Variants in WDR87 observed in about 807,000 individuals in gnomAD.
WDR87 encodes WD repeat-containing protein 87.
A neutral mutation model predicts 83.3 loss-of-function variants in WDR87; 56 were observed. That is an observed-to-expected ratio of 0.67 (90% CI 0.54 to 0.84). The LOEUF is 0.84. WDR87 is among the 40% of genes least tolerant of loss of function. The pLI, the probability that WDR87 is intolerant of heterozygous loss-of-function variation, is 0.00. For missense variants in WDR87, 2,939 were observed against 3,431.9 expected, an observed-to-expected ratio of 0.86 and a Z score of 3.59; for synonymous variants, 1,173 against 1,250.6, an observed-to-expected ratio of 0.94 and a Z score of 1.31.
In WDR87 at chr19:37,885,034, G is replaced by A; in HGVS notation, c.8637C>T (p.Gly2879=). Residue 2879 remains glycine (G), a synonymous_variant, in exon 6 of 6, where the codon GGC becomes GGT. Coordinates refer to ENST00000447313, the MANE Select transcript of WDR87 (RefSeq NM_001291088.2). The part of the protein sequence containing the change: ...QNCVRTILPV[G]IARYGILELA... Reference sequence around the variant, plus strand: ...GTTCTAAGATCCCATACCGGGCAATGCCCACGGGAAGGATGGTGCGCACAC... The same window carrying A: ...GTTCTAAGATCCCATACCGGGCAATACCCACGGGAAGGATGGTGCGCACAC... The A allele has an allele frequency of 2.1e-6, 3 of 1,448,438 alleles. No individual in the cohort carries two copies. The South Asian group carries it at 4.8e-5, about 23-fold the overall frequency. The allele number at this position is 1,448,438 out of a possible 1,614,324, so 89.7% of individuals were successfully genotyped here. A position where few individuals can be genotyped will look rare whatever the true frequency, so the allele number is the denominator to read the frequency against.
chr19:37,900,962 C>CA (rs878938966), intron 1 of WDR87, among the ~76,000 whole-genome samples: 3,526 of 29,438 alleles, frequency 0.12, 261 homozygotes, highest in Non-Finnish European at 0.17. Context: ...CCTGTCTCTA[C>CA]AAAAAAAAAA....
intron 1 of WDR87, among the ~76,000 whole-genome samples, chr19:37,901,673 G>A (rs771202079): frequency 2.6e-5 from 4 of 152,110 alleles, no homozygotes; most frequent in Non-Finnish European, 4.4e-5. Context: ...TGAGTGAGAA[G>A]GAGGACTTTC....
In WDR87 at chr19:37,886,510, T is replaced by C. The variant is rs1266130519; in HGVS notation, c.7161A>G (p.Lys2387=). The C allele has an allele frequency of 1.0e-5, 15 of 1,504,398 alleles. No individual in the cohort carries two copies. Among genetic ancestry groups the C allele is most frequent in the African/African-American group, 2.8e-5 (2 of 70,382 alleles). 93.2% of individuals were successfully genotyped at this position (1,504,398 alleles called of 1,614,324 possible). The change falls in exon 6 of 6, where the codon AAA becomes AAG. Residue 2387 remains lysine, a synonymous_variant. Coordinates refer to ENST00000447313, the MANE Select transcript of WDR87 (RefSeq NM_001291088.2). ...TTCTTTGTTCTTGTAACTTAAATTG[T>C]TTTTCTTTTTTTAAGATCTCTTTTT... ...DREKEILKKE[K]QFKLQEQRRK...
Position 37,885,948 on chromosome 19 carries a change from C to T in WDR87, c.7723G>A (p.Glu2575Lys). 6.4e-7 allele frequency: 1 copy of T among 1,552,200 alleles called. No homozygotes were observed. The highest frequency in any genetic ancestry group is 8.7e-7 in the Non-Finnish European group (1 of 1,147,114). The change falls in exon 6 of 6, where the codon GAA becomes AAA. Residue 2575 changes from glutamate (E) to lysine (K), a missense_variant. Physicochemically the swap from Glu to Lys is moderately conservative, Grantham distance 56. Coordinates refer to ENST00000447313, the MANE Select transcript of WDR87 (RefSeq NM_001291088.2). ...TCCCTGGAAAGCTGTTCTCCCGCTT[C>T]CATTCGTTCTAGGACATGGCGGATC... ...EWIRHVLERMEAGEQLSRDGF... is the reference protein window; with the variant it reads ...EWIRHVLERMKAGEQLSRDGF...
At position 37,886,879 on chromosome 19, in the gene WDR87, A is replaced by T; in HGVS notation, c.6792T>A (p.His2264Gln). 6.4e-7 allele frequency: 1 copy of T among 1,551,404 alleles called. No individual in the cohort carries two copies. The highest frequency in any genetic ancestry group is 8.7e-7 in the Non-Finnish European group (1 of 1,146,990). The change falls in exon 6 of 6, where the codon CAT (histidine) becomes CAA (glutamine). Residue 2264 changes from histidine to glutamine, a missense_variant. Around this residue, in one of 3 missense-constraint regions of WDR87, gnomAD observed 2,160 missense variants for 2,533.1 expected, o/e 0.85. Coordinates refer to ENST00000447313, the MANE Select transcript of WDR87 (RefSeq NM_001291088.2). ...ACAGGCTTTCCATTTCTTCAGAAAA[A>T]TGCTCTTCACTTTCCACTTCATCCA... Reference protein sequence around the residue: ...SQVDEVESEEHFSEEMESLLD... With the variant: ...SQVDEVESEEQFSEEMESLLD...
chr19:37,885,665 C>T lies in WDR87; in HGVS notation c.8006G>A (p.Arg2669Lys). ...ATTTTTAGCCCTTGGGTCTGGAATCCTCTTGGTAGCTAATGGGGACTTTTG... is the reference window on the plus strand; with the variant it reads ...ATTTTTAGCCCTTGGGTCTGGAATCTTCTTGGTAGCTAATGGGGACTTTTG... ...PTQKSPLATK[R>K]IPDPRAKNWH... Residue 2669 changes from arginine to lysine, a missense_variant, in exon 6 of 6, where the codon AGG becomes AAG. Around this residue, in one of 3 missense-constraint regions of WDR87, gnomAD observed 2,160 missense variants for 2,533.1 expected, o/e 0.85. Transcript: ENST00000447313. 6.4e-7 allele frequency: 1 copy of T among 1,551,784 alleles called. No individual in the cohort carries two copies.
In WDR87 at chr19:37,890,254, G is replaced by T. The variant is rs757309632; in HGVS notation, c.3417C>A (p.Leu1139=). 3 of 1,534,114 alleles carry T rather than the reference G, an allele frequency of 2.0e-6. No individual in the cohort carries two copies. In the South Asian group the frequency reaches 3.7e-5, roughly 19 times the overall value. The change falls in exon 6 of 6, where the codon CTC becomes CTA. Residue 1139 remains leucine (L), a synonymous_variant. Transcript: ENST00000447313. ...TAGAGTCTCTCTCTTTCGTCTTCTT[G>T]AGACCCCGCAACCATTTTTGGCCTG... The part of the protein sequence containing the change: ...KKHSQKWLRG[L]KKTKERDSKQ...
Position 37,893,642 on chromosome 19 carries a change from G to C in WDR87, c.2061C>G (p.Ser687=). Residue 687 remains serine, a synonymous_variant, in exon 4 of 6, where the codon TCC becomes TCG. Coordinates refer to ENST00000447313, the MANE Select transcript of WDR87 (RefSeq NM_001291088.2). ...LLPPALLTRL[S]FMSISDEVLE... Reference sequence around the variant, plus strand: ...GTACTTCATCTGATATGCTCATAAAGGAAAGGCGAGTCAGCAGGGCTGGGG... The same window carrying C: ...GTACTTCATCTGATATGCTCATAAACGAAAGGCGAGTCAGCAGGGCTGGGG... 1 of 1,551,688 alleles carries C rather than the reference G, an allele frequency of 6.4e-7. No homozygotes were observed. Among genetic ancestry groups the C allele is most frequent in the Non-Finnish European group, 8.7e-7 (1 of 1,146,636 alleles).
Position 37,885,944 on chromosome 19 carries a change from G to A in WDR87, c.7727C>T (p.Ala2576Val), listed in dbSNP as rs140620408. ...ACCATCCCTGGAAAGCTGTTCTCCCGCTTCCATTCGTTCTAGGACATGGCG... is the reference window on the plus strand; with the variant it reads ...ACCATCCCTGGAAAGCTGTTCTCCCACTTCCATTCGTTCTAGGACATGGCG... ...WIRHVLERME[A>V]GEQLSRDGFH... The change falls in exon 6 of 6, where the codon GCG becomes GTG. Residue 2576 changes from alanine to valine, a missense_variant. Around this residue, in one of 3 missense-constraint regions of WDR87, gnomAD observed 2,160 missense variants for 2,533.1 expected, o/e 0.85. Transcript: ENST00000447313. The A allele has an allele frequency of 4.7e-5, 73 of 1,552,166 alleles. No individual in the cohort carries two copies. The East Asian group carries it at 9.3e-4, about 20-fold the overall frequency.
chr19:37,893,177 T>C lies in WDR87; in HGVS notation c.2526A>G (p.Leu842=). ...GCTGGGGTGCATGCAGGTTGCACTG[T>C]AGGTATATTGGGGTGCCCTCTGGCC... ...RLWPEGTPIY[L]QCNLHAPQRE... is the part of the protein sequence containing the mutation. The change falls in exon 4 of 6, where the codon CTA becomes CTG. Residue 842 remains leucine, a synonymous_variant. Transcript: ENST00000447313. 6.4e-7 allele frequency: 1 copy of C among 1,551,930 alleles called. No homozygotes were observed. The highest frequency in any genetic ancestry group is 1.2e-5 in the South Asian group (1 of 84,060).
chr19:37,896,282 G>A lies in WDR87; in HGVS notation c.102C>T (p.Cys34=), dbSNP rs760947459. 3.2e-6 allele frequency: 5 copies of A among 1,551,734 alleles called. 1 individual carries two copies. The highest frequency in any genetic ancestry group is 2.4e-5 in the South Asian group (2 of 84,042). The change falls in exon 3 of 6, where the codon TGC becomes TGT. Residue 34 remains cysteine (C), a synonymous_variant. Coordinates refer to ENST00000447313, the MANE Select transcript of WDR87 (RefSeq NM_001291088.2). The stretch of plus-strand genomic sequence containing the variant: ...GGGACCGGTCACTCAGCACAATCAG[G>A]CAGTTCTTTGGGTCTTCCGAAGGTT... ...SKQPSEDPKN[C]LIVLSDRSQV... is the part of the protein sequence containing the mutation.
Position 37,894,656 on chromosome 19 carries a change from G to T in WDR87, c.1047C>A (p.His349Gln), listed in dbSNP as rs1360298052. 2 of 1,551,738 alleles carry T rather than the reference G, an allele frequency of 1.3e-6. No individual in the cohort carries two copies. Among genetic ancestry groups the T allele is most frequent in the East Asian group, 4.9e-5 (2 of 40,924 alleles). The change falls in exon 4 of 6, where the codon CAC (histidine) becomes CAA (glutamine). Residue 349 changes from histidine to glutamine, a missense_variant. Coordinates refer to ENST00000447313, the MANE Select transcript of WDR87 (RefSeq NM_001291088.2). Reference protein sequence around the residue: ...FCQTAHSFSLHRLPCFYSLFN... With the variant: ...FCQTAHSFSLQRLPCFYSLFN... ...AGAGGCTGTAGAAGCAGGGCAGGCG[G>T]TGCAAGGAAAAACTATGGGCAGTTT... is the stretch of plus-strand genomic sequence containing the variant.
chr19:37,905,990 T>G (rs2046325166), intron 1 of WDR87, among the ~76,000 whole-genome samples: 1 of 152,190 alleles, frequency 6.6e-6, no homozygotes, highest in Admixed American at 6.5e-5. Context: ...TAATCCATTT[T>G]TGTTGAATGA....
At position 37,887,886 on chromosome 19, in the gene WDR87, G is replaced by C. The variant is rs2046164732; in HGVS notation, c.5785C>G (p.Gln1929Glu). ...TCCTGTGTCAGCTTCTCCTCTACCTGAGCCAGTATCTTGTTGAACATTCCC... is the reference window on the plus strand; with the variant it reads ...TCCTGTGTCAGCTTCTCCTCTACCTCAGCCAGTATCTTGTTGAACATTCCC... The part of the protein sequence containing the change: ...KLGMFNKILA[Q>E]VEEKLTQEKE... The change falls in exon 6 of 6, where the codon CAG becomes GAG. Residue 1929 changes from glutamine to glutamate, a missense_variant. Gln to Glu is a conservative substitution (Grantham distance 29). Coordinates refer to ENST00000447313, the MANE Select transcript of WDR87 (RefSeq NM_001291088.2). The C allele has an allele frequency of 4.5e-6, 7 of 1,551,346 alleles. No homozygotes were observed. The South Asian group carries it at 8.3e-5, about 18-fold the overall frequency.
Position 37,887,048 on chromosome 19 carries a change from C to T in WDR87, c.6623G>A (p.Arg2208Lys). 7 of 1,551,794 alleles carry T rather than the reference C, an allele frequency of 4.5e-6. No individual in the cohort carries two copies. Among genetic ancestry groups the T allele is most frequent in the Non-Finnish European group, 6.1e-6 (7 of 1,147,064 alleles). Residue 2208 changes from arginine to lysine, a missense_variant, in exon 6 of 6, where the codon AGA becomes AAA. Physicochemically the swap from Arg to Lys is conservative, Grantham distance 26. Coordinates refer to ENST00000447313, the MANE Select transcript of WDR87 (RefSeq NM_001291088.2). ...KMTEEESKLARKHSEVILDDE... is the reference protein window; with the variant it reads ...KMTEEESKLAKKHSEVILDDE... ...ATCCAGTATGACTTCTGAATGCTTT[C>T]TGGCCAATTTGCTCTCTTCCTCAGT... is the stretch of plus-strand genomic sequence containing the variant.
Position 37,889,621 on chromosome 19 carries a change from C to T in WDR87, c.4050G>A (p.Pro1350=), listed in dbSNP as rs564396034. The T allele has an allele frequency of 4.5e-5, 70 of 1,551,820 alleles. No homozygotes were observed. Among genetic ancestry groups the T allele is most frequent in the South Asian group, 2.1e-4 (18 of 84,056 alleles). Residue 1350 remains proline, a synonymous_variant, in exon 6 of 6, where the codon CCG becomes CCA. Coordinates refer to ENST00000447313, the MANE Select transcript of WDR87 (RefSeq NM_001291088.2). ...LLEDLDWDVV[P]PEKKPIFIQE... Reference sequence around the variant, plus strand: ...GGATAAAAATTGGTTTCTTCTCTGGCGGGACTACATCCCAATCAAGGTCCT... The same window carrying T: ...GGATAAAAATTGGTTTCTTCTCTGGTGGGACTACATCCCAATCAAGGTCCT...
In WDR87 at chr19:37,906,557, G is replaced by C. The variant is rs1266614536; in HGVS notation, c.-105C>G. On this transcript the variant is annotated 5_prime_UTR_variant, in exon 1 of 6. Transcript: ENST00000447313. Reference sequence around the variant, plus strand: ...GCGTGTGCACTCAGGAGCTCCTAGAGCTAGGGGCAGCAACTAAGAAGCTAC... The same window carrying C: ...GCGTGTGCACTCAGGAGCTCCTAGACCTAGGGGCAGCAACTAAGAAGCTAC... 6.6e-6 allele frequency: 1 copy of C among 152,146 alleles called. No homozygotes were observed. The highest frequency in any genetic ancestry group is 2.4e-5 in the African/African-American group (1 of 41,438). 9.4% of individuals were successfully genotyped at this position (152,146 alleles called of 1,614,324 possible).
chr19:37,892,090 T>C (rs2046210462), intron 4 of WDR87, among the ~76,000 whole-genome samples: 1 of 152,006 alleles, frequency 6.6e-6, no homozygotes. Flanking sequence ...GGAAAAGCAA[T>C]GGAGAAAGGA....
At chr19:37,899,280 G>A (rs550507149) in intron 1 of WDR87, among the ~76,000 whole-genome samples, 6 of 151,850 alleles carry the variant, frequency 4.0e-5, no homozygotes, top group South Asian at 2.1e-4. Context: ...TTAGCTGGGC[G>A]TTGTGGCACG....
Sources: gnomAD v4.1 joint callset for allele counts (sites outside exome capture counted in the v4.1 genomes callset) on GRCh38, gnomAD v4.1.1 for gene constraint, gnomAD v4.1.1 regional missense constraint, MANE v1.5 for transcripts, NCBI Gene and HGNC (gene_info 2026-07-23, HGNC 2026-07-21) for gene names.